IP6K2: variants seen among roughly 807,000 people sequenced by gnomAD.
The protein encoded by IP6K2 is ATP:1D-myo-inositol-hexakisphosphate phosphotransferase.
A neutral mutation model predicts 43.3 loss-of-function variants in IP6K2; 9 were observed. The ratio of observed to expected loss-of-function variants is 0.21; its 90% CI spans 0.13 to 0.36. The LOEUF is 0.36. Among genes scored for constraint, IP6K2 ranks in the 10% least tolerant of loss-of-function variants. The pLI is 1.00. For synonymous variants in IP6K2, 209 were observed against 202.4 expected (o/e 1.03, Z -0.28); for missense variants, 332 against 538.4 (o/e 0.62, Z 3.79).
At chr3:48,698,104 A>G (rs1364983676) in intron 1 of IP6K2, among the ~76,000 whole-genome samples, 1 of 152,210 alleles carries the variant, frequency 6.6e-6, no homozygotes, top group East Asian at 1.9e-4. Context: ...AACTGTAAAT[A>G]TGAGTACATT....
chr3:48,714,363 G>A (rs1287854086), intron 1 of IP6K2, among the ~76,000 whole-genome samples: 3 of 151,706 alleles, frequency 2.0e-5, no homozygotes, highest in Admixed American at 6.6e-5. Flanking sequence ...CACCACGCTC[G>A]GCCCTTTCTT....
intron 1 of IP6K2, among the ~76,000 whole-genome samples, chr3:48,706,823 T>TTAAA (rs1343437671): frequency 3.3e-5 from 5 of 151,948 alleles, no homozygotes; most frequent in Admixed American, 3.3e-4. Context: ...CCCAAAAAAA[T>TTAAA]AAAAAAGAAA....
intron 2 of IP6K2, 92 bp downstream of exon 2, chr3:48,694,997 AG>A: frequency 5.6e-6 from 9 of 1,610,368 alleles, no homozygotes; most frequent in Non-Finnish European, 7.6e-6. Flanking sequence ...GGAGGGAGTG[AG>A]GGCTCCAGGG....
chr3:48,694,187 A>T, intron 2 of IP6K2: 1 of 1,551,202 alleles, frequency 6.4e-7, no homozygotes, highest in Non-Finnish European at 8.7e-7. Context: ...GGAAAGGACC[A>T]GGGGAAAAAA....
At chr3:48,705,860 TAAAAAATAA>T (rs2079676323) in intron 1 of IP6K2, among the ~76,000 whole-genome samples, 1 of 121,138 alleles carries the variant, frequency 8.3e-6, no homozygotes, top group Non-Finnish European at 1.8e-5. Context: ...AAATAAAAAA[TAAAAAATAA>T]AAAAAATAAA....
At chr3:48,692,781 CAG>C (rs1258412576) in intron 3 of IP6K2, among the ~76,000 whole-genome samples, 171 bp downstream of exon 3, 2 of 152,228 alleles carry the variant, frequency 1.3e-5, no homozygotes, top group Non-Finnish European at 2.9e-5. Context: ...ATGATCTAAC[CAG>C]AGTCAATTAA....
intron 1 of IP6K2, among the ~76,000 whole-genome samples, chr3:48,697,488 ATTTTTTTT>A (rs35746542): frequency 1.7e-4 from 11 of 64,326 alleles, no homozygotes; most frequent in Admixed American, 1.5e-3. Flanking sequence ...ATGCCTGGCT[ATTTTTTTT>A]TTTTTTTTTT....
At chr3:48,697,854 A>G (rs752999469) in intron 1 of IP6K2, among the ~76,000 whole-genome samples, 4 of 152,010 alleles carry the variant, frequency 2.6e-5, no homozygotes, top group Non-Finnish European at 5.9e-5. Context: ...AATATTTTCT[A>G]TTTATAAAGC....
At chr3:48,716,497 T>C (rs1335473182) in intron 1 of IP6K2, 1 of 152,210 alleles carries the variant, frequency 6.6e-6, no homozygotes, top group Non-Finnish European at 1.5e-5. Flanking sequence ...AATAAGCCAT[T>C]AGGATGCAAA....
chr3:48,702,732 TCTTA>T (rs1304191868), intron 1 of IP6K2, among the ~76,000 whole-genome samples: 2 of 152,326 alleles, frequency 1.3e-5, no homozygotes, highest in South Asian at 2.1e-4. Context: ...ACTCTACGTT[TCTTA>T]CTTGTCTTGT....
In IP6K2 at chr3:48,689,680, T is replaced by C. The variant is rs1050366948; in HGVS notation, c.638A>G (p.Tyr213Cys). The change falls in exon 5 of 6, where the codon TAC becomes TGC. Residue 213 changes from tyrosine to cysteine, a missense_variant. Tyr to Cys is a radical substitution (Grantham distance 194, BLOSUM62 -2). Transcript: ENST00000328631. The stretch of plus-strand genomic sequence containing the variant: ...GAGGTCAAGGACACAAGGCACCTCG[T>C]AGCGGGAAGTCAGGTTTTCCAGTAA... ...FILLENLTSR[Y>C]EVPCVLDLKM... The C allele has an allele frequency of 2.5e-6, 4 of 1,613,894 alleles. No individual in the cohort carries two copies. The highest frequency in any genetic ancestry group is 4.5e-5 in the East Asian group (2 of 44,896).
At position 48,688,703 on chromosome 3, in the gene IP6K2, C is replaced by A; in HGVS notation, c.851G>T (p.Gly284Val). The A allele has an allele frequency of 1.2e-6, 2 of 1,614,206 alleles. No homozygotes were observed. The highest frequency in any genetic ancestry group is 1.7e-6 in the Non-Finnish European group (2 of 1,180,022). Residue 284 changes from glycine (G) to valine (V), a missense_variant, in exon 6 of 6, where the codon GGC (glycine) becomes GTC (valine). Transcript: ENST00000328631. This position sits in a 1 kb window ranked among gnomAD's most constrained non-coding sequence, Gnocchi z 5.1. ...KYHGRKLSVQ[G>V]FKEALFQFFH... ...GAACTGGAAAAGTGCCTCCTTGAAG[C>A]CCTGCACCGATAGCTTCCGTCCATG...
At chr3:48,704,130 A>G (rs1376506816) in intron 1 of IP6K2, among the ~76,000 whole-genome samples, 4 of 152,272 alleles carry the variant, frequency 2.6e-5, no homozygotes, top group Non-Finnish European at 2.9e-5. Flanking sequence ...CAAACAATAA[A>G]AAACTAAAAA....
intron 1 of IP6K2, chr3:48,699,399 C>CA (rs146524009): frequency 0.15 from 21,191 of 143,192 alleles, 1,706 homozygotes; most frequent in African/African-American, 0.23. Context: ...AACTCCATCT[C>CA]AAAAAAAAAA....
chr3:48,690,927 A>C (rs1219330494), intron 4 of IP6K2, among the ~76,000 whole-genome samples: 1 of 152,174 alleles, frequency 6.6e-6, no homozygotes, highest in Non-Finnish European at 1.5e-5. Flanking sequence ...CTCCTCACCC[A>C]AACACCCCAG....
At chr3:48,689,082 A>G (rs561600646) in intron 5 of IP6K2, among the ~76,000 whole-genome samples, 7 of 152,324 alleles carry the variant, frequency 4.6e-5, no homozygotes, top group African/African-American at 1.7e-4. Context: ...AACCAGACCA[A>G]TCTGAGAGAG....
At position 48,694,930 on chromosome 3, in the gene IP6K2, T is replaced by C. The variant is rs200668427; in HGVS notation, c.202+160A>G. The C allele has an allele frequency of 2.3e-4, 365 of 1,554,620 alleles. 1 individual carries two copies. In the South Asian group the frequency reaches 3.3e-3, roughly 14 times the overall value. ...GGGATTGAAAACTGAGGGTGTGAGATGCTGGGCTGAGGGCCAGGAGGAGGA... is the reference window on the plus strand; with the variant it reads ...GGGATTGAAAACTGAGGGTGTGAGACGCTGGGCTGAGGGCCAGGAGGAGGA... On this transcript the variant is annotated intron_variant, in intron 2 of 5. Transcript: ENST00000328631.
chr3:48,707,448 T>C (rs2079934311), intron 1 of IP6K2, among the ~76,000 whole-genome samples: 1 of 152,178 alleles, frequency 6.6e-6, no homozygotes, highest in Non-Finnish European at 1.5e-5. Flanking sequence ...TTATTTTATC[T>C]TTTGAGATGG....
At chr3:48,693,660 G>C in intron 2 of IP6K2, 1 of 1,089,086 alleles carries the variant, frequency 9.2e-7, no homozygotes, top group Non-Finnish European at 1.1e-6. Context: ...GGGAAGACTG[G>C]GTAAGCAAAG....
Sources: gnomAD v4.1 joint callset for allele counts (sites outside exome capture counted in the v4.1 genomes callset) on GRCh38, gnomAD v4.1.1 for gene constraint, Gnocchi (gnomAD v3.1) non-coding constraint, MANE v1.5 for transcripts, NCBI Gene and HGNC (gene_info 2026-07-23, HGNC 2026-07-21) for gene names.